The following NOMO1 variants were observed in gnomAD, a reference collection of about 807,000 sequenced individuals.
NOMO1 encodes the protein NODAL modulator 1, also known as nodal modulator 3.
NOMO1 carries 40 observed loss-of-function variants against 133.8 expected under a neutral mutation model. The observed-to-expected ratio is 0.30, with a 90% CI of 0.23 to 0.39. The LOEUF is 0.39. Ranked by LOEUF, NOMO1 falls within the 10% of genes least tolerant of loss-of-function variation. The probability of loss-of-function intolerance (pLI) is 1.00; values close to 1 mark genes in which losing one functional copy is unlikely to be tolerated. For synonymous variants in NOMO1, 236 were observed against 570.5 expected, an observed-to-expected ratio of 0.41 and a Z score of 8.36; for missense variants, 462 against 1,419.9, an observed-to-expected ratio of 0.33 and a Z score of 10.84.
chr16:14,880,378 G>A (rs952555285), intron 24 of NOMO1, among the ~76,000 whole-genome samples: 1 of 151,382 alleles, frequency 6.6e-6, no homozygotes, highest in Non-Finnish European at 1.5e-5. Context: ...CTATTGAGTT[G>A]CTAAAAGCTT....
chr16:14,869,708 T>C (rs1248841751), intron 16 of NOMO1, among the ~76,000 whole-genome samples: 2 of 151,792 alleles, frequency 1.3e-5, no homozygotes, highest in Middle Eastern at 3.4e-3. Context: ...ACGGACATTC[T>C]TGTACAAGTC....
chr16:14,888,584 A>G (rs1400237889), intron 28 of NOMO1: 6 of 224,192 alleles, frequency 2.7e-5, no homozygotes, highest in Non-Finnish European at 4.4e-5. Flanking sequence ...GTCTCATGCA[A>G]TGTGCATGGT....
intron 29 of NOMO1, among the ~76,000 whole-genome samples, chr16:14,892,525 C>T (rs1964420000): frequency 6.6e-6 from 1 of 151,108 alleles, no homozygotes; most frequent in Non-Finnish European, 1.5e-5. Context: ...AAACTGTGCC[C>T]TGGTGTGTGA....
At position 14,857,249 on chromosome 16, in the gene NOMO1, C is replaced by T. The variant is rs757495219; in HGVS notation, c.996C>T (p.Thr332=). ...TCCACGTCATGGGATTCTCCGTCAC[C>T]GGGAGGGTCTTGAACGGACCCGAAG... ...PVFHVMGFSV[T]GRVLNGPEGD... is the part of the protein sequence containing the mutation. Residue 332 remains threonine, a synonymous_variant, in exon 10 of 31, where the codon ACC becomes ACT. Coordinates refer to ENST00000287667, the MANE Select transcript of NOMO1 (RefSeq NM_014287.4). 28 of 1,599,216 alleles carry T rather than the reference C, an allele frequency of 1.8e-5. No homozygotes were observed. Among genetic ancestry groups the T allele is most frequent in the East Asian group, 1.1e-4 (5 of 44,652 alleles).
In NOMO1 at chr16:14,867,176, A is replaced by ATTTTTTT. The variant is rs1174703237; in HGVS notation, c.1806+508_1806+514dup. Among the ~76,000 whole-genome samples, 15 of 7,474 alleles carry ATTTTTTT rather than the reference A, an allele frequency of 2.0e-3. 1 individual carries two copies. Among genetic ancestry groups the ATTTTTTT allele is most frequent in the Admixed American group, 7.6e-3 (2 of 262 alleles). The allele number at this position is 7,474 out of a possible 152,430, so 4.9% of individuals were successfully genotyped here. A position where few individuals can be genotyped will look rare whatever the true frequency, so the allele number is the denominator to read the frequency against. On this transcript the variant is annotated intron_variant, in intron 15 of 30. Coordinates refer to ENST00000287667, the MANE Select transcript of NOMO1 (RefSeq NM_014287.4). Reference sequence around the variant, plus strand: ...TATATATATATATATATATATATATATTTTTTTTTTTTTTTTTTTTTTTTT... The same window carrying ATTTTTTT: ...TATATATATATATATATATATATATATTTTTTTTTTTTTTTTTTTTTTTTTTTTTTTT...
At chr16:14,886,966 G>A (rs1329089224) in intron 28 of NOMO1, 104 bp downstream of exon 28, 9 of 1,467,484 alleles carry the variant, frequency 6.1e-6, no homozygotes, top group Non-Finnish European at 8.5e-6. Flanking sequence ...ATACCACTCT[G>A]CAGAAATACG....
chr16:14,840,255 T>C (rs1189932444), intron 2 of NOMO1, among the ~76,000 whole-genome samples: 611 of 71,746 alleles, frequency 8.5e-3, no homozygotes, highest in African/African-American at 0.034. Context: ...TCCTGAAATC[T>C]ATTTAATTAA....
At chr16:14,867,856 G>T (rs1161568527) in intron 15 of NOMO1, among the ~76,000 whole-genome samples, 2 of 142,980 alleles carry the variant, frequency 1.4e-5, no homozygotes, top group African/African-American at 5.1e-5. Flanking sequence ...TTCCCTTCCA[G>T]CAGTGGAGTG....
intron 16 of NOMO1, among the ~76,000 whole-genome samples, chr16:14,869,084 G>C (rs1444750586): frequency 1.3e-5 from 2 of 151,810 alleles, no homozygotes; most frequent in Non-Finnish European, 2.9e-5. Context: ...GATTACAGGT[G>C]CCCACCACCA....
intron 11 of NOMO1, among the ~76,000 whole-genome samples, chr16:14,859,975 G>A (rs568175318): frequency 6.6e-6 from 1 of 152,124 alleles, no homozygotes; most frequent in South Asian, 2.1e-4. Context: ...GGCAGTCTGC[G>A]CAGCTGGAGG....
chr16:14,845,798 A>G (rs1963671251), intron 4 of NOMO1, among the ~76,000 whole-genome samples: 1 of 151,062 alleles, frequency 6.6e-6, no homozygotes, highest in Non-Finnish European at 1.5e-5. Context: ...GGTTTGCAAA[A>G]TAATGGTGAA....
intron 24 of NOMO1, among the ~76,000 whole-genome samples, chr16:14,881,145 C>G (rs1964237231): frequency 6.6e-6 from 1 of 152,058 alleles, no homozygotes; most frequent in African/African-American, 2.4e-5. Context: ...TACAGAATCA[C>G]TTTAGAGGAA....
chr16:14,866,889 G>C (rs1291902480), intron 15 of NOMO1, among the ~76,000 whole-genome samples, 198 bp downstream of exon 15: 13 of 149,652 alleles, frequency 8.7e-5, no homozygotes, highest in Non-Finnish European at 1.6e-4. Context: ...GTATTTAGGA[G>C]GTTTCCTTGT....
chr16:14,838,275 G>T, intron 1 of NOMO1, 132 bp from the exon 2 acceptor site: 1 of 829,216 alleles, frequency 1.2e-6, no homozygotes. Context: ...CCCCAGTAAT[G>T]CCCCGTGTTA....
chr16:14,850,371 G>C (rs982086859), intron 6 of NOMO1, among the ~76,000 whole-genome samples: 1 of 151,926 alleles, frequency 6.6e-6, no homozygotes, highest in African/African-American at 2.4e-5. Context: ...GGACTTCGGG[G>C]TATGCCAGCA....
intron 14 of NOMO1, 139 bp from the exon 15 acceptor site, chr16:14,866,416 T>A: frequency 2.7e-6 from 4 of 1,463,124 alleles, no homozygotes; most frequent in East Asian, 2.4e-5. Flanking sequence ...AATATATGTA[T>A]GTGTATATTT....
Position 14,853,973 on chromosome 16 carries a change from G to A in NOMO1, c.910G>A (p.Val304Met), listed in dbSNP as rs760096167. Residue 304 changes from valine to methionine, a missense_variant, in exon 9 of 31, where the codon GTG becomes ATG. Coordinates refer to ENST00000287667, the MANE Select transcript of NOMO1 (RefSeq NM_014287.4). ...TCGAGGGGAGAGGATTACCTTTGAT[G>A]TGGCGCCTTCCAGACTTGACTTCAC... ...FYRGERITFD[V>M]APSRLDFTVE... 2.5e-6 allele frequency: 4 copies of A among 1,609,086 alleles called. No individual in the cohort carries two copies. Among genetic ancestry groups the A allele is most frequent in the South Asian group, 1.1e-5 (1 of 90,840 alleles).
chr16:14,842,264 C>T (rs879797485), intron 3 of NOMO1, among the ~76,000 whole-genome samples: 5 of 151,256 alleles, frequency 3.3e-5, no homozygotes, highest in African/African-American at 1.2e-4. Flanking sequence ...TTGTTGATAT[C>T]AGGCTTGCTC....
chr16:14,842,776 A>G (rs1047485750), intron 3 of NOMO1, among the ~76,000 whole-genome samples: 1 of 150,534 alleles, frequency 6.6e-6, no homozygotes, highest in African/African-American at 2.4e-5. Context: ...AAATGCTATC[A>G]TGCAGGGAAC....
Sources: allele counts gnomAD v4.1 joint callset (sites outside exome capture counted in the v4.1 genomes callset), GRCh38; gene constraint gnomAD v4.1.1; transcripts MANE v1.5; gene names NCBI Gene and HGNC (gene_info 2026-07-23, HGNC 2026-07-21).